The following ZMYM2 variants were observed in gnomAD, a reference collection of about 807,000 sequenced individuals.
ZMYM2 encodes zinc finger MYM-type protein 2.
In ZMYM2, 56 loss-of-function variants were observed where a neutral mutation model predicts 162.8. The observed-to-expected ratio is 0.34, with a 90% CI of 0.28 to 0.43. The LOEUF (loss-of-function observed/expected upper bound fraction) is 0.43. Among genes scored for constraint, ZMYM2 ranks in the 20% least tolerant of loss-of-function variants. The probability of loss-of-function intolerance (pLI) is 1.00; values close to 1 mark genes in which losing one functional copy is unlikely to be tolerated. For missense variants in ZMYM2, 1,275 were observed against 1,621.8 expected, an observed-to-expected ratio of 0.79 and a Z score of 3.67; for synonymous variants, 510 against 541.6, an observed-to-expected ratio of 0.94 and a Z score of 0.81.
chr13:19,984,855 A>G (rs528510528), intron 2 of ZMYM2, among the ~76,000 whole-genome samples: 2 of 152,278 alleles, frequency 1.3e-5, no homozygotes, highest in African/African-American at 4.8e-5. Context: ...AGGCTACACT[A>G]TTTTCTTCTA....
At chr13:20,013,457 A>G (rs1051650343) in intron 6 of ZMYM2, among the ~76,000 whole-genome samples, 6 of 152,240 alleles carry the variant, frequency 3.9e-5, no homozygotes, top group Non-Finnish European at 7.3e-5. Flanking sequence ...GGTTGTGGCT[A>G]TAATTTTCAA....
At chr13:20,067,974 T>C (rs537076736) in intron 21 of ZMYM2, 20 of 162,818 alleles carry the variant, frequency 1.2e-4, no homozygotes, top group Middle Eastern at 2.9e-3. Flanking sequence ...GAGTTTTGTT[T>C]GTAGGCCTAA....
intron 13 of ZMYM2, 134 bp downstream of exon 13, chr13:20,051,732 G>A: frequency 1.2e-6 from 1 of 862,520 alleles, no homozygotes; most frequent in Non-Finnish European, 1.7e-6. Context: ...TAGATTCTCT[G>A]GGTCGAAGTA....
chr13:20,026,906 A>G (rs1427207968), intron 8 of ZMYM2, 144 bp downstream of exon 8: 1 of 989,300 alleles, frequency 1.0e-6, no homozygotes, highest in African/African-American at 1.7e-5. Context: ...AATTATTTTG[A>G]TTATTCTGTA....
chr13:19,993,262 G>A lies in ZMYM2; in HGVS notation c.190G>A (p.Glu64Lys), dbSNP rs1949770191. Reference protein sequence around the residue: ...VEDDDDVVFIEPVQPPPPSVP... With the variant: ...VEDDDDVVFIKPVQPPPPSVP... ...AGATGATGATGATGTTGTTTTTATC[G>A]AACCTGTACAACCTCCCCCACCTTC... The change falls in exon 3 of 25, where the codon GAA (glutamate) becomes AAA (lysine). Residue 64 changes from glutamate (E) to lysine (K), a missense_variant. By Grantham distance (56) the Glu-to-Lys change is moderately conservative. Around this residue, in one of 10 missense-constraint regions of ZMYM2, gnomAD observed 295 missense variants for 286.7 expected, o/e 1.03. Coordinates refer to ENST00000610343, the MANE Select transcript of ZMYM2 (RefSeq NM_197968.4). 2.5e-6 allele frequency: 4 copies of A among 1,613,870 alleles called. No homozygotes were observed. Among genetic ancestry groups the A allele is most frequent in the Middle Eastern group, 1.6e-4 (1 of 6,062 alleles).
At chr13:19,979,898 T>G (rs1181609110) in intron 2 of ZMYM2, among the ~76,000 whole-genome samples, 1 of 152,176 alleles carries the variant, frequency 6.6e-6, no homozygotes, top group East Asian at 1.9e-4. Context: ...TTTTTCCCAC[T>G]CAATGGTTGC....
At chr13:20,048,235 T>G (rs1196799226) in intron 12 of ZMYM2, among the ~76,000 whole-genome samples, 1 of 152,024 alleles carries the variant, frequency 6.6e-6, no homozygotes, top group Non-Finnish European at 1.5e-5. Context: ...TTTATGGGCT[T>G]TAAATTAATA....
At chr13:19,921,328 C>T in the ZMYM2 span, among the ~76,000 whole-genome samples, 2 of 152,114 alleles carry the variant, frequency 1.3e-5, no homozygotes, top group African/African-American at 2.4e-5. Context: ...TTGGTAGAAA[C>T]AGGGTTTCAC....
chr13:19,894,170 C>T, the ZMYM2 span, among the ~76,000 whole-genome samples: 1 of 151,822 alleles, frequency 6.6e-6, no homozygotes, highest in Non-Finnish European at 1.5e-5. Flanking sequence ...ATAAACCCAT[C>T]ATAAGATAAA....
intron 6 of ZMYM2, among the ~76,000 whole-genome samples, chr13:20,019,334 A>G (rs764779729): frequency 3.9e-5 from 6 of 152,152 alleles, no homozygotes; most frequent in Non-Finnish European, 7.3e-5. Flanking sequence ...TTTTATCATC[A>G]TACCATTTTT....
At chr13:19,984,382 C>T (rs747754039) in intron 2 of ZMYM2, among the ~76,000 whole-genome samples, 6 of 152,146 alleles carry the variant, frequency 3.9e-5, no homozygotes, top group Non-Finnish European at 8.8e-5. Flanking sequence ...TGGAAACTTA[C>T]TGAAATTCTG....
At chr13:19,945,951 GAAAA>G in the ZMYM2 span, among the ~76,000 whole-genome samples, 58 of 89,566 alleles carry the variant, frequency 6.5e-4, no homozygotes, top group South Asian at 8.6e-4. Context: ...CTCCGTCTCA[GAAAA>G]AAAAAAAAAA....
chr13:19,958,382 GC>G, upstream of ZMYM2, among the ~76,000 whole-genome samples: 1 of 151,714 alleles, frequency 6.6e-6, no homozygotes, highest in East Asian at 2.0e-4. Context: ...GTCCCGGAGA[GC>G]CCCGGGCCCC....
intron 9 of ZMYM2, among the ~76,000 whole-genome samples, chr13:20,029,262 TC>T (rs1159694993): frequency 6.6e-6 from 1 of 152,214 alleles, no homozygotes; most frequent in Non-Finnish European, 1.5e-5. Context: ...GCGAATGAGC[TC>T]CCTCAGGCTT....
chr13:19,924,391 C>T, the ZMYM2 span, among the ~76,000 whole-genome samples: 1 of 151,714 alleles, frequency 6.6e-6, no homozygotes, highest in Non-Finnish European at 1.5e-5. Context: ...ATAGTGAGAC[C>T]TCATCTTTAC....
the ZMYM2 span, among the ~76,000 whole-genome samples, chr13:19,903,919 G>A: frequency 1.3e-5 from 2 of 151,924 alleles, no homozygotes; most frequent in African/African-American, 2.4e-5. Context: ...TTTTGGGGGT[G>A]GTGTTGAACT....
At chr13:19,865,101 A>C in the ZMYM2 span, 1 of 152,252 alleles carries the variant, frequency 6.6e-6, no homozygotes, top group Non-Finnish European at 1.5e-5. Context: ...AGGTTTATTC[A>C]ATGAAAATCA....
chr13:19,996,675 C>T (rs573457863), intron 3 of ZMYM2, among the ~76,000 whole-genome samples: 13 of 152,138 alleles, frequency 8.5e-5, no homozygotes, highest in African/African-American at 3.1e-4. Context: ...AGAGATTGCA[C>T]CACTGCACTC....
At chr13:19,911,408 A>G in the ZMYM2 span, among the ~76,000 whole-genome samples, 1 of 152,150 alleles carries the variant, frequency 6.6e-6, no homozygotes, top group Admixed American at 6.6e-5. Flanking sequence ...CTAGGAATGA[A>G]AGAAAGGTTG....
Sources: gnomAD v4.1 joint callset for allele counts (sites outside exome capture counted in the v4.1 genomes callset) on GRCh38, gnomAD v4.1.1 for gene constraint, gnomAD v4.1.1 regional missense constraint, MANE v1.5 for transcripts, NCBI Gene and HGNC (gene_info 2026-07-23, HGNC 2026-07-21) for gene names.